The following DMD variants were observed in gnomAD, a reference collection of about 807,000 sequenced individuals.
The protein encoded by DMD is dystrophin.
DMD carries 63 observed loss-of-function variants against 330.1 expected under a neutral mutation model. That is an observed-to-expected ratio of 0.19 (90% CI 0.16 to 0.24). The LOEUF is 0.24. Ranked by LOEUF, DMD falls within the 10% of genes least tolerant of loss-of-function variation. The pLI, the probability that DMD is intolerant of heterozygous loss-of-function variation, is 1.00. For missense variants in DMD, 3,344 were observed against 2,684.1 expected (o/e 1.25, Z -5.43); for synonymous variants, 1,223 against 959.8 (o/e 1.27, Z -5.07).
intron 50 of DMD, among the ~76,000 whole-genome samples, chrX:31,803,984 C>T (rs1318956208): frequency 1.8e-5 from 2 of 111,236 alleles, no homozygotes; most frequent in Non-Finnish European, 1.9e-5. Context: ...CAGGCGTGAG[C>T]CACCGTGCCT....
At chrX:32,522,267 C>A (rs1044244210) in intron 17 of DMD, among the ~76,000 whole-genome samples, 2 of 111,775 alleles carry the variant, frequency 1.8e-5, no homozygotes, top group African/African-American at 6.5e-5. Flanking sequence ...TAAATGTGAC[C>A]AAAAATACCG....
intron 2 of DMD, among the ~76,000 whole-genome samples, chrX:32,877,610 C>A (rs1177418585): frequency 8.9e-6 from 1 of 111,915 alleles, no homozygotes; most frequent in Non-Finnish European, 1.9e-5. Context: ...TGCGTGCCCA[C>A]CTCCTTGGCT....
intron 50 of DMD, among the ~76,000 whole-genome samples, chrX:31,811,372 G>A (rs766347915): frequency 3.6e-5 from 4 of 112,112 alleles, no homozygotes; most frequent in Admixed American, 9.4e-5. Flanking sequence ...CTTCTGATGA[G>A]TGTGAGAAGT....
intron 55 of DMD, among the ~76,000 whole-genome samples, chrX:31,565,567 C>T (rs2075422277): frequency 9.0e-6 from 1 of 111,621 alleles, no homozygotes; most frequent in African/African-American, 3.3e-5. Context: ...GGGTTCTTTC[C>T]AGTTTTTGGC....
At chrX:32,476,837 T>C (rs940374662) in intron 21 of DMD, among the ~76,000 whole-genome samples, 10 of 111,704 alleles carry the variant, frequency 9.0e-5, no homozygotes, top group African/African-American at 2.9e-4. Flanking sequence ...GGAGCAGAAA[T>C]AGACCAGCTC....
intron 1 of DMD, among the ~76,000 whole-genome samples, chrX:33,314,565 T>TTG (rs1319584064): frequency 9.2e-5 from 6 of 65,100 alleles, no homozygotes; most frequent in African/African-American, 2.9e-4. Flanking sequence ...GCCTGTTTTT[T>TTG]TTTTGTTTTT....
At chrX:32,510,725 A>G (rs763925883) in intron 18 of DMD, among the ~76,000 whole-genome samples, 1 of 111,582 alleles carries the variant, frequency 9.0e-6, no homozygotes, top group Non-Finnish European at 1.9e-5. Context: ...TGGCCATAAA[A>G]CCAGTACATG....
chrX:32,382,680 G>A (rs1756275380), intron 33 of DMD, among the ~76,000 whole-genome samples: 2 of 108,698 alleles, frequency 1.8e-5, no homozygotes, highest in African/African-American at 6.7e-5. Context: ...TGTTGTAGGG[G>A]TGTGTGGGGG....
At chrX:31,476,078 A>G (rs1188047163) in intron 59 of DMD, among the ~76,000 whole-genome samples, 1 of 109,659 alleles carries the variant, frequency 9.1e-6, no homozygotes, top group Non-Finnish European at 1.9e-5. Flanking sequence ...TTGCTACAAT[A>G]TATGTGAAAT....
chrX:32,730,624 G>T (rs184788059), intron 7 of DMD, among the ~76,000 whole-genome samples: 72 of 111,877 alleles, frequency 6.4e-4, no homozygotes, highest in African/African-American at 2.2e-3. Context: ...CTAAAAGAAA[G>T]GACAGGACTA....
chrX:31,147,522 T>A lies in DMD; in HGVS notation c.10554-4A>T, dbSNP rs398123841. ...GTCATATTCTGCTTGCAGATTCCTA[T>A]TGGCATCAAAAAAGTAAAAAAGAAA... On this transcript the variant is annotated splice_polypyrimidine_tract_variant and splice_region_variant and intron_variant, in intron 74 of 78. Coordinates refer to ENST00000357033, the MANE Select transcript of DMD (RefSeq NM_004006.3). The A allele has an allele frequency of 8.6e-7, 1 of 1,160,713 alleles. No homozygotes were observed. The highest frequency in any genetic ancestry group is 3.1e-5 in the East Asian group (1 of 32,665).
At chrX:31,734,497 T>A (rs1321334855) in intron 51 of DMD, among the ~76,000 whole-genome samples, 1 of 111,633 alleles carries the variant, frequency 9.0e-6, no homozygotes, top group Admixed American at 9.6e-5. Context: ...TTGTCGTATC[T>A]CCTTAGTCTT....
chrX:31,754,981 ATATT>A (rs2088934710), intron 51 of DMD, among the ~76,000 whole-genome samples: 1 of 112,010 alleles, frequency 8.9e-6, no homozygotes. Context: ...CTCACTTAAA[ATATT>A]TATTAATTAC....
intron 59 of DMD, among the ~76,000 whole-genome samples, chrX:31,470,153 C>A (rs2067187352): frequency 9.0e-6 from 1 of 111,050 alleles, no homozygotes; most frequent in South Asian, 3.8e-4. Flanking sequence ...TTATTACCCA[C>A]CTTCTGAAGC....
intron 1 of DMD, among the ~76,000 whole-genome samples, chrX:33,320,494 C>T (rs1439877997): frequency 4.5e-5 from 5 of 112,011 alleles, no homozygotes; most frequent in Non-Finnish European, 9.4e-5. Flanking sequence ...AAAAAATGTA[C>T]ATACCTTAAC....
chrX:32,900,574 G>A (rs1473923550), intron 2 of DMD, among the ~76,000 whole-genome samples: 2 of 110,776 alleles, frequency 1.8e-5, no homozygotes, highest in African/African-American at 6.6e-5. Flanking sequence ...CAAACTCCTG[G>A]ACACAAGCAA....
intron 2 of DMD, among the ~76,000 whole-genome samples, chrX:32,850,195 G>A (rs1038785530): frequency 1.8e-5 from 2 of 111,511 alleles, no homozygotes; most frequent in African/African-American, 6.5e-5. Flanking sequence ...CTACCTGGGT[G>A]GGTACATAAA....
chrX:32,742,235 T>C (rs984956566), intron 7 of DMD, among the ~76,000 whole-genome samples: 1 of 112,204 alleles, frequency 8.9e-6, no homozygotes, highest in African/African-American at 3.2e-5. Context: ...ACAATCCAAC[T>C]AATATGTCTT....
At chrX:32,783,242 ATG>A (rs1393660446) in intron 7 of DMD, among the ~76,000 whole-genome samples, 11 of 100,495 alleles carry the variant, frequency 1.1e-4, no homozygotes, top group African/African-American at 3.9e-4. Flanking sequence ...ATATACACAT[ATG>A]TGTATATACG....
Sources: allele counts gnomAD v4.1 joint callset (sites outside exome capture counted in the v4.1 genomes callset), GRCh38; gene constraint gnomAD v4.1.1; transcripts MANE v1.5; gene names NCBI Gene and HGNC (gene_info 2026-07-23, HGNC 2026-07-21).